The following CAMTA1 variants were observed in gnomAD, a reference collection of about 807,000 sequenced individuals.
The protein encoded by CAMTA1 is calmodulin binding transcription activator 1.
In CAMTA1, 27 loss-of-function variants were observed where a neutral mutation model predicts 170.9. The ratio of observed to expected loss-of-function variants is 0.16; its 90% CI spans 0.12 to 0.22. CAMTA1 has a LOEUF of 0.22. Among genes scored for constraint, CAMTA1 ranks in the 10% least tolerant of loss-of-function variants. The pLI, the probability that CAMTA1 is intolerant of heterozygous loss-of-function variation, is 1.00. For missense variants in CAMTA1, 1,619 were observed against 2,217.2 expected, an observed-to-expected ratio of 0.73 and a Z score of 5.42; for synonymous variants, 833 against 891.5, an observed-to-expected ratio of 0.93 and a Z score of 1.17.
At chr1:7,363,652 G>C (rs148114932) in intron 5 of CAMTA1, among the ~76,000 whole-genome samples, 1 of 152,144 alleles carries the variant, frequency 6.6e-6, no homozygotes, top group African/African-American at 2.4e-5. Flanking sequence ...TTTAAGCCCC[G>C]TGATTAGCAG....
At chr1:7,540,636 C>T (rs777950644) in intron 6 of CAMTA1, among the ~76,000 whole-genome samples, 6 of 152,188 alleles carry the variant, frequency 3.9e-5, no homozygotes, top group Non-Finnish European at 8.8e-5. Context: ...AACCGCCCAC[C>T]TCTGTGTCTC....
At chr1:7,490,680 T>C (rs1466402136) in intron 6 of CAMTA1, among the ~76,000 whole-genome samples, 1 of 150,394 alleles carries the variant, frequency 6.6e-6, no homozygotes, top group Non-Finnish European at 1.5e-5. Flanking sequence ...AAGCAGCCCC[T>C]CTGCCAGGGA....
chr1:7,103,116 G>T (rs1161811843), intron 4 of CAMTA1, among the ~76,000 whole-genome samples: 1 of 151,806 alleles, frequency 6.6e-6, no homozygotes, highest in Admixed American at 6.6e-5. Flanking sequence ...GCTGCGGGGT[G>T]CAGTGGGGGT....
Position 6,785,593 on chromosome 1 carries a change from A to G in CAMTA1, c.45+18A>G, listed in dbSNP as rs1183357372. ...GCCGGAAGGTAAGAGCCGGAGCGCG[A>G]GGGGCTGGGGGGCGGCGCGGCGGGC... On this transcript the variant is annotated intron_variant, in intron 1 of 22. Transcript: ENST00000303635. 3.1e-5 allele frequency: 31 copies of G among 1,009,200 alleles called. No homozygotes were observed. The highest frequency in any genetic ancestry group is 3.7e-5 in the Non-Finnish European group (31 of 839,124). 62.5% of individuals were successfully genotyped at this position (1,009,200 alleles called of 1,614,324 possible).
At chr1:7,104,250 C>CACATACACACAACTACAT (rs1643330951) in intron 4 of CAMTA1, among the ~76,000 whole-genome samples, 4 of 146,906 alleles carry the variant, frequency 2.7e-5, no homozygotes, top group Non-Finnish European at 4.4e-5. Flanking sequence ...ACACACAACA[C>CACATACACACAACTACAT]ACATACACAC....
intron 5 of CAMTA1, among the ~76,000 whole-genome samples, chr1:7,291,889 C>T (rs1280025086): frequency 6.6e-6 from 1 of 152,238 alleles, no homozygotes; most frequent in Non-Finnish European, 1.5e-5. Flanking sequence ...AAACCAGATG[C>T]CAGCTTCCCC....
chr1:7,246,070 C>T (rs367718614), intron 4 of CAMTA1, among the ~76,000 whole-genome samples: 25 of 152,244 alleles, frequency 1.6e-4, no homozygotes, highest in African/African-American at 5.8e-4. Context: ...CCCTGTCTAT[C>T]GGGTAAAGGA....
intron 5 of CAMTA1, among the ~76,000 whole-genome samples, chr1:7,288,615 A>G (rs549448752): frequency 6.6e-6 from 1 of 152,320 alleles, no homozygotes; most frequent in South Asian, 2.1e-4. Context: ...GTGAATCAAA[A>G]GTTGAGAAGG....
intron 11 of CAMTA1, among the ~76,000 whole-genome samples, chr1:7,702,173 G>A (rs531608991): frequency 6.6e-6 from 1 of 152,088 alleles, no homozygotes; most frequent in African/African-American, 2.4e-5. Flanking sequence ...CACTCAGCAG[G>A]GCTCAGCCAG....
At chr1:6,843,953 T>C (rs1214962643) in intron 3 of CAMTA1, among the ~76,000 whole-genome samples, 8 of 152,228 alleles carry the variant, frequency 5.3e-5, no homozygotes, top group Non-Finnish European at 1.2e-4. Context: ...TACATTAGTT[T>C]AACCACTTTG....
chr1:7,241,182 T>G (rs941650899), intron 4 of CAMTA1, among the ~76,000 whole-genome samples: 1 of 152,186 alleles, frequency 6.6e-6, no homozygotes, highest in African/African-American at 2.4e-5. Flanking sequence ...AGAAAACAAT[T>G]TCATTCATAA....
At chr1:7,159,402 C>G (rs1302877704) in intron 4 of CAMTA1, among the ~76,000 whole-genome samples, 1 of 152,066 alleles carries the variant, frequency 6.6e-6, no homozygotes, top group Non-Finnish European at 1.5e-5. Context: ...TTCTACTTCT[C>G]CAGCCCAAAC....
At chr1:7,614,128 A>G (rs1215020243) in intron 6 of CAMTA1, among the ~76,000 whole-genome samples, 3 of 151,814 alleles carry the variant, frequency 2.0e-5, no homozygotes, top group African/African-American at 7.3e-5. Context: ...GTAGGAGGAG[A>G]GGAGATTTTG....
At position 7,064,315 on chromosome 1, in the gene CAMTA1, A is replaced by G. The variant is rs781362268; in HGVS notation, c.235-26989A>G. Among the ~76,000 whole-genome samples, 53 of 151,966 alleles carry G rather than the reference A, an allele frequency of 3.5e-4. No homozygotes were observed. Among genetic ancestry groups the G allele is most frequent in the Non-Finnish European group, 6.5e-4 (44 of 68,000 alleles). ...CTCCCTCTCTCCTTATGAAGCCATT[A>G]ATATAATCATGAGGACACCTACCTT... On this transcript the variant is annotated intron_variant, in intron 3 of 22. Transcript: ENST00000303635. The surrounding 1 kb of genome is among the most constrained non-coding windows in gnomAD (Gnocchi z 5.4).
At chr1:7,539,959 A>T (rs1244659340) in intron 6 of CAMTA1, among the ~76,000 whole-genome samples, 1 of 152,140 alleles carries the variant, frequency 6.6e-6, no homozygotes, top group Non-Finnish European at 1.5e-5. Context: ...CACCTTGCAG[A>T]CTTCTGTTCC....
At chr1:6,817,690 A>G (rs546264946) in intron 1 of CAMTA1, among the ~76,000 whole-genome samples, 1 of 152,224 alleles carries the variant, frequency 6.6e-6, no homozygotes, top group African/African-American at 2.4e-5. Context: ...CTAGAGTGCA[A>G]TAGCATGGTC....
At chr1:7,129,407 G>T (rs1473313854) in intron 4 of CAMTA1, among the ~76,000 whole-genome samples, 1 of 152,066 alleles carries the variant, frequency 6.6e-6, no homozygotes, top group Non-Finnish European at 1.5e-5. Flanking sequence ...CTCTGGGTCT[G>T]CTCTGTCTCC....
intron 3 of CAMTA1, chr1:6,888,270 T>C (rs988905565): frequency 3.0e-6 from 3 of 985,154 alleles, no homozygotes; most frequent in Non-Finnish European, 3.6e-6. Flanking sequence ...TAAATACCTT[T>C]TCCAATGATA....
chr1:7,130,145 G>T (rs1466155870), intron 4 of CAMTA1, among the ~76,000 whole-genome samples: 19 of 152,072 alleles, frequency 1.2e-4, no homozygotes. Flanking sequence ...CACCATGTTG[G>T]CCAGGATGGT....
Sources: gnomAD v4.1 joint callset for allele counts (sites outside exome capture counted in the v4.1 genomes callset) on GRCh38, gnomAD v4.1.1 for gene constraint, Gnocchi (gnomAD v3.1) non-coding constraint, MANE v1.5 for transcripts, NCBI Gene and HGNC (gene_info 2026-07-23, HGNC 2026-07-21) for gene names.